The following FARS2 variants were observed in gnomAD, a reference collection of about 807,000 sequenced individuals.
The protein encoded by FARS2 is phenylalanine--tRNA ligase, mitochondrial.
FARS2 carries 40 observed loss-of-function variants against 46.4 expected under a neutral mutation model. The observed-to-expected ratio is 0.86, with a 90% CI of 0.67 to 1.12. FARS2 has a LOEUF of 1.12. Among genes scored for constraint, FARS2 ranks in the 50% most tolerant of loss-of-function variants. The pLI is 0.00. For synonymous variants in FARS2, 234 were observed against 214.9 expected, an observed-to-expected ratio of 1.09 and a Z score of -0.78; for missense variants, 513 against 567.9, an observed-to-expected ratio of 0.90 and a Z score of 0.98.
At chr6:5,419,946 A>G (rs1436568424) in intron 3 of FARS2, among the ~76,000 whole-genome samples, 2 of 152,118 alleles carry the variant, frequency 1.3e-5, no homozygotes, top group East Asian at 3.9e-4. Context: ...ATTTTGTATT[A>G]GTCCATTTTC....
chr6:5,351,787 T>C (rs1757592563), intron 1 of FARS2, among the ~76,000 whole-genome samples: 1 of 152,220 alleles, frequency 6.6e-6, no homozygotes, highest in African/African-American at 2.4e-5. Flanking sequence ...CATTGCGCAA[T>C]GTGAAAATAC....
intron 6 of FARS2, among the ~76,000 whole-genome samples, chr6:5,619,146 T>C (rs1335668469): frequency 1.3e-5 from 2 of 152,228 alleles, no homozygotes; most frequent in African/African-American, 4.8e-5. Flanking sequence ...CATTTGGAGA[T>C]GCCAGCTGAT....
intron 2 of FARS2, among the ~76,000 whole-genome samples, chr6:5,378,951 T>G (rs928688276): frequency 6.6e-6 from 1 of 152,174 alleles, no homozygotes; most frequent in African/African-American, 2.4e-5. Flanking sequence ...AGAGACCCCT[T>G]TTTCTGTGGC....
chr6:5,549,642 A>C (rs1179502957), intron 5 of FARS2, among the ~76,000 whole-genome samples: 1 of 152,176 alleles, frequency 6.6e-6, no homozygotes, highest in African/African-American at 2.4e-5. Context: ...TCCCATCTCA[A>C]AATACTTCTC....
intron 5 of FARS2, among the ~76,000 whole-genome samples, chr6:5,550,208 T>G (rs183735152): frequency 6.6e-6 from 1 of 152,306 alleles, no homozygotes; most frequent in South Asian, 2.1e-4. Context: ...TGGGGATAAT[T>G]CTCTGTGGCC....
intron 6 of FARS2, among the ~76,000 whole-genome samples, chr6:5,736,719 G>T (rs1760978959): frequency 6.6e-6 from 1 of 151,718 alleles, no homozygotes; most frequent in African/African-American, 2.4e-5. Context: ...TCCTAGAAAT[G>T]GCTGCAGAGC....
intron 4 of FARS2, among the ~76,000 whole-genome samples, chr6:5,457,649 T>C (rs1056705110): frequency 6.6e-6 from 1 of 152,218 alleles, no homozygotes; most frequent in African/African-American, 2.4e-5. Flanking sequence ...GTTCTTGGAC[T>C]CCATGAATAT....
intron 3 of FARS2, among the ~76,000 whole-genome samples, chr6:5,419,712 A>C (rs960362925): frequency 6.6e-6 from 1 of 152,090 alleles, no homozygotes; most frequent in Non-Finnish European, 1.5e-5. Flanking sequence ...CTACAGCCCC[A>C]TGCTGCATTT....
intron 5 of FARS2, among the ~76,000 whole-genome samples, chr6:5,599,609 T>C (rs1281476106): frequency 2.6e-5 from 4 of 152,242 alleles, no homozygotes; most frequent in African/African-American, 9.6e-5. Flanking sequence ...TTAATTTACC[T>C]GCTATACAAT....
chr6:5,273,743 G>T (rs1223481391), intron 1 of FARS2, among the ~76,000 whole-genome samples: 6 of 151,898 alleles, frequency 4.0e-5, no homozygotes, highest in African/African-American at 1.2e-4. Flanking sequence ...AAAAATCTTT[G>T]CCCAGACCAA....
chr6:5,293,134 G>A (rs1767620604), intron 1 of FARS2, among the ~76,000 whole-genome samples: 1 of 152,236 alleles, frequency 6.6e-6, no homozygotes, highest in Non-Finnish European at 1.5e-5. Context: ...AATTCACTGG[G>A]TTGAGAGGTG....
At chr6:5,757,377 A>T (rs1762259823) in intron 6 of FARS2, among the ~76,000 whole-genome samples, 1 of 152,176 alleles carries the variant, frequency 6.6e-6, no homozygotes, top group Non-Finnish European at 1.5e-5. Context: ...AGTTAGGAGC[A>T]AATAGCATCA....
intron 6 of FARS2, among the ~76,000 whole-genome samples, chr6:5,681,201 A>G (rs1779016753): frequency 6.6e-6 from 1 of 152,216 alleles, no homozygotes; most frequent in African/African-American, 2.4e-5. Flanking sequence ...TTTGGAAGCA[A>G]CCTGAATGTT....
At chr6:5,426,082 T>C (rs1762834055) in intron 3 of FARS2, among the ~76,000 whole-genome samples, 1 of 152,142 alleles carries the variant, frequency 6.6e-6, no homozygotes. Flanking sequence ...TTGAGGTGTA[T>C]AATTTTTGAC....
chr6:5,420,372 TAACTC>T (rs1762476327), intron 3 of FARS2, among the ~76,000 whole-genome samples: 1 of 152,234 alleles, frequency 6.6e-6, no homozygotes, highest in Admixed American at 6.5e-5. Flanking sequence ...ATTTCAGTGT[TAACTC>T]AAAAGTTCAC....
At chr6:5,295,473 T>G (rs73718049) in intron 1 of FARS2, among the ~76,000 whole-genome samples, 327 of 152,222 alleles carry the variant, frequency 2.1e-3, no homozygotes, top group African/African-American at 7.4e-3. Flanking sequence ...AACTCTCCTT[T>G]TGTGTGTGCT....
intron 4 of FARS2, among the ~76,000 whole-genome samples, chr6:5,534,094 C>G (rs1202981064): frequency 6.6e-6 from 1 of 152,066 alleles, no homozygotes; most frequent in African/African-American, 2.4e-5. Context: ...AAGCTGAAGT[C>G]CATTGAAATG....
At chr6:5,475,160 G>C (rs926563348) in intron 4 of FARS2, among the ~76,000 whole-genome samples, 1 of 152,220 alleles carries the variant, frequency 6.6e-6, no homozygotes, top group African/African-American at 2.4e-5. Context: ...GGGTACTGGG[G>C]AAGGTTTTGT....
In FARS2 at chr6:5,401,997, G is replaced by GT. The variant is rs201090447; in HGVS notation, c.613-2536dup. Among the ~76,000 whole-genome samples the GT allele has an allele frequency of 1.6e-3, 228 of 141,798 alleles. 1 individual carries two copies. Among genetic ancestry groups the GT allele is most frequent in the Middle Eastern group, 7.5e-3 (2 of 266 alleles). 93.0% of individuals were successfully genotyped at this position (141,798 alleles called of 152,430 possible). On this transcript the variant is annotated intron_variant, in intron 2 of 6. Coordinates refer to ENST00000274680, the MANE Select transcript of FARS2 (RefSeq NM_006567.5). ...TATCTGGTATTAGTTCTGCTCCATT[G>GT]TTTTTTTTTCCCTCTTTAACGGACT... is the stretch of plus-strand genomic sequence containing the variant.
Sources: gnomAD v4.1 joint callset for allele counts (sites outside exome capture counted in the v4.1 genomes callset) on GRCh38, gnomAD v4.1.1 for gene constraint, MANE v1.5 for transcripts, NCBI Gene and HGNC (gene_info 2026-07-23, HGNC 2026-07-21) for gene names.